CEP192: variants seen among roughly 807,000 people sequenced by gnomAD.
The protein encoded by CEP192 is centrosomal protein 192.
A neutral mutation model predicts 271.8 loss-of-function variants in CEP192; 151 were observed. The observed-to-expected ratio is 0.56, with a 90% CI of 0.49 to 0.64. The LOEUF is 0.64. Ranked by LOEUF, CEP192 falls within the 30% of genes least tolerant of loss-of-function variation. The probability of loss-of-function intolerance (pLI) is 0.00; values close to 1 mark genes in which losing one functional copy is unlikely to be tolerated. For missense variants in CEP192, 2,910 were observed against 3,020.5 expected, an observed-to-expected ratio of 0.96 and a Z score of 0.86; for synonymous variants, 995 against 1,076.5, an observed-to-expected ratio of 0.92 and a Z score of 1.48.
intron 9 of CEP192, chr18:13,024,442 A>G: frequency 2.5e-6 from 1 of 403,626 alleles, no homozygotes; most frequent in Admixed American, 3.1e-5. Flanking sequence ...AATCTCTTTC[A>G]GTTGGTGTGT....
At chr18:13,097,931 G>A (rs976489229) in intron 36 of CEP192, among the ~76,000 whole-genome samples, 1 of 152,174 alleles carries the variant, frequency 6.6e-6, no homozygotes, top group African/African-American at 2.4e-5. Flanking sequence ...AGTGGACACA[G>A]CACATGTTTC....
chr18:13,064,103 G>C (rs2037558465), intron 21 of CEP192, among the ~76,000 whole-genome samples: 1 of 152,004 alleles, frequency 6.6e-6, no homozygotes, highest in Non-Finnish European at 1.5e-5. Context: ...ACAGGCGTGA[G>C]CCACTGTGCC....
At chr18:13,113,521 G>C in intron 40 of CEP192, 65 bp from the exon 41 acceptor site, 1 of 1,481,774 alleles carries the variant, frequency 6.7e-7, no homozygotes, top group Non-Finnish European at 9.3e-7. Flanking sequence ...CTTTGAACTG[G>C]TGATCTAGCT....
chr18:13,124,787 TGTAAA>T lies in CEP192; in HGVS notation c.*23_*27del, dbSNP rs777741449. The stretch of plus-strand genomic sequence containing the variant: ...AAAAATTAACTAGAATACATTTTTG[TGTAAA>T]GTAAATTACATAAGTTGTATTTTGT... On this transcript the variant is annotated 3_prime_UTR_variant, in exon 45 of 45. Transcript: ENST00000506447. The T allele has an allele frequency of 1.3e-6, 2 of 1,579,482 alleles. No homozygotes were observed. The highest frequency in any genetic ancestry group is 1.7e-6 in the Non-Finnish European group (2 of 1,151,310).
chr18:13,067,296 C>T (rs549454964), intron 21 of CEP192, among the ~76,000 whole-genome samples: 134 of 152,100 alleles, frequency 8.8e-4, no homozygotes, highest in African/African-American at 3.1e-3. Flanking sequence ...TTTTGATATC[C>T]GGTGGGGGTT....
chr18:13,068,026 G>C (rs1393133110), intron 22 of CEP192, 68 bp from the exon 23 acceptor site: 2 of 1,601,276 alleles, frequency 1.2e-6, no homozygotes, highest in Non-Finnish European at 1.7e-6. Context: ...ATTTTTTTAA[G>C]GATTTTGTTA....
intron 9 of CEP192, among the ~76,000 whole-genome samples, chr18:13,023,573 C>T (rs1230897900): frequency 6.6e-6 from 1 of 151,566 alleles, no homozygotes; most frequent in Non-Finnish European, 1.5e-5. Context: ...GCTTGCATAC[C>T]TGGGATCTCC....
chr18:13,044,237 T>G (rs2036359039), intron 15 of CEP192, among the ~76,000 whole-genome samples: 1 of 152,182 alleles, frequency 6.6e-6, no homozygotes, highest in African/African-American at 2.4e-5. Flanking sequence ...CATACATAGT[T>G]TTGTCATCTG....
Position 13,124,288 on chromosome 18 carries a change from G to A in CEP192, c.7476-344G>A, listed in dbSNP as rs533925829. On this transcript the variant is annotated intron_variant, in intron 44 of 44. Transcript: ENST00000506447. ...TGGACTGAGTAAAACGGGCATTTAGGGTGTTCCCGAACCCTTTCTTAGGTA... is the reference window on the plus strand; with the variant it reads ...TGGACTGAGTAAAACGGGCATTTAGAGTGTTCCCGAACCCTTTCTTAGGTA... Among the ~76,000 whole-genome samples, 12 of 152,174 alleles carry A rather than the reference G, an allele frequency of 7.9e-5. No individual in the cohort carries two copies. The South Asian group carries it at 2.5e-3, about 32-fold the overall frequency.
chr18:12,996,349 A>G (rs1378854975), intron 1 of CEP192, among the ~76,000 whole-genome samples: 1 of 152,040 alleles, frequency 6.6e-6, no homozygotes, highest in Non-Finnish European at 1.5e-5. Context: ...CTAAGCAGCT[A>G]GGTGTTGGAG....
At chr18:13,099,968 C>T (rs547638945) in intron 37 of CEP192, among the ~76,000 whole-genome samples, 21 of 152,188 alleles carry the variant, frequency 1.4e-4, no homozygotes, top group African/African-American at 4.3e-4. Flanking sequence ...CCATGGATAC[C>T]GAGGCATGAT....
At chr18:13,061,480 T>G (rs1193615444) in intron 21 of CEP192, among the ~76,000 whole-genome samples, 12 of 152,386 alleles carry the variant, frequency 7.9e-5, no homozygotes, top group African/African-American at 2.9e-4. Context: ...TCTAGGGGAA[T>G]GCTTAGTAAC....
chr18:13,009,110 A>G (rs2034176987), intron 4 of CEP192, among the ~76,000 whole-genome samples: 1 of 148,812 alleles, frequency 6.7e-6, no homozygotes, highest in Admixed American at 6.8e-5. Flanking sequence ...CACCCTCCTC[A>G]GCTTCTCGAG....
chr18:13,011,707 G>A lies in CEP192; in HGVS notation c.467-1266G>A, dbSNP rs116665544. On this transcript the variant is annotated intron_variant, in intron 4 of 44. Transcript: ENST00000506447. The stretch of plus-strand genomic sequence containing the variant: ...AATTTTTGTATATTTAGTAGAGACG[G>A]GCTACTAAATATACAAATATTGGCT... Among the ~76,000 whole-genome samples, 1,054 of 152,056 alleles carry A rather than the reference G, an allele frequency of 6.9e-3. 7 individuals are homozygous for A. Among genetic ancestry groups the A allele is most frequent in the African/African-American group, 0.017 (716 of 41,452 alleles).
At chr18:13,046,828 A>ATT (rs2036507675) in intron 15 of CEP192, among the ~76,000 whole-genome samples, 6 of 117,442 alleles carry the variant, frequency 5.1e-5, no homozygotes, top group East Asian at 3.1e-4. Context: ...GAATATCCTT[A>ATT]CTTTTTTTTT....
intron 18 of CEP192, among the ~76,000 whole-genome samples, chr18:13,053,875 A>G (rs923495884): frequency 1.1e-4 from 16 of 151,512 alleles, no homozygotes; most frequent in Admixed American, 3.3e-4. Flanking sequence ...TTTTTTTTGT[A>G]GAAACAGCTT....
Position 13,048,871 on chromosome 18 carries a change from A to G in CEP192, c.2080A>G (p.Met694Val), listed in dbSNP as rs755622243. Residue 694 changes from methionine to valine, a missense_variant, in exon 16 of 45, where the codon ATG becomes GTG. Met to Val is a conservative substitution (Grantham distance 21). Coordinates refer to ENST00000506447, the MANE Select transcript of CEP192 (RefSeq NM_032142.4). ...DKGKTEDTFFMSNKPQRYKDK... is the reference protein window; with the variant it reads ...DKGKTEDTFFVSNKPQRYKDK... ...TTCTCACTTCTAGGACACTTTCTTC[A>G]TGAGCAACAAACCCCAAAGATACAA... 3.1e-6 allele frequency: 5 copies of G among 1,595,706 alleles called. No homozygotes were observed. The highest frequency in any genetic ancestry group is 4.3e-6 in the Non-Finnish European group (5 of 1,169,584).
At chr18:13,047,210 G>A (rs148690658) in intron 15 of CEP192, among the ~76,000 whole-genome samples, 29 of 152,242 alleles carry the variant, frequency 1.9e-4, no homozygotes, top group African/African-American at 6.7e-4. Context: ...ACTTTCATTC[G>A]TTTATTGGAA....
intron 30 of CEP192, among the ~76,000 whole-genome samples, chr18:13,079,286 C>T (rs903875466): frequency 2.6e-5 from 4 of 152,246 alleles, no homozygotes; most frequent in African/African-American, 9.6e-5. Context: ...TCCACATCCT[C>T]TCCAGCACCT....
Sources: allele counts gnomAD v4.1 joint callset (sites outside exome capture counted in the v4.1 genomes callset), GRCh38; gene constraint gnomAD v4.1.1; transcripts MANE v1.5; gene names NCBI Gene and HGNC (gene_info 2026-07-23, HGNC 2026-07-21).